The following RAPGEF6 variants were observed in gnomAD, a reference collection of about 807,000 sequenced individuals.
RAPGEF6 encodes PDZ domain containing guanine nucleotide exchange factor (GEF) 2.
In RAPGEF6, 56 loss-of-function variants were observed where a neutral mutation model predicts 171.4. The ratio of observed to expected loss-of-function variants is 0.33; its 90% CI spans 0.26 to 0.41. The LOEUF (loss-of-function observed/expected upper bound fraction) is 0.41. Ranked by LOEUF, RAPGEF6 falls within the 10% of genes least tolerant of loss-of-function variation. The probability of loss-of-function intolerance (pLI) is 1.00; values close to 1 mark genes in which losing one functional copy is unlikely to be tolerated. For synonymous variants in RAPGEF6, 692 were observed against 650.1 expected (o/e 1.06, Z -0.98); for missense variants, 1,674 against 1,921.4 (o/e 0.87, Z 2.41).
chr5:131,581,925 C>A (rs1762990970), intron 4 of RAPGEF6, among the ~76,000 whole-genome samples: 1 of 152,144 alleles, frequency 6.6e-6, no homozygotes, highest in Admixed American at 6.5e-5. Flanking sequence ...TTTGTAACAT[C>A]CTCCTCACCC....
chr5:131,532,518 T>A (rs1046806268), intron 6 of RAPGEF6, among the ~76,000 whole-genome samples: 1 of 152,188 alleles, frequency 6.6e-6, no homozygotes, highest in African/African-American at 2.4e-5. Flanking sequence ...TGTTCCTGGA[T>A]TCCGTGAAAC....
chr5:131,587,150 G>A (rs1326247375), intron 4 of RAPGEF6, among the ~76,000 whole-genome samples: 1 of 152,130 alleles, frequency 6.6e-6, no homozygotes, highest in African/African-American at 2.4e-5. Context: ...AAGTGTCTGT[G>A]AGCCTAGTAT....
At chr5:131,427,878 C>G (rs1217028590) in intron 27 of RAPGEF6, among the ~76,000 whole-genome samples, 2 of 152,088 alleles carry the variant, frequency 1.3e-5, no homozygotes, top group African/African-American at 4.8e-5. Flanking sequence ...GAGACTGAGG[C>G]TGGCAGATTG....
At position 131,457,670 on chromosome 5, in the gene RAPGEF6, G is replaced by A. The variant is rs114673532; in HGVS notation, c.2865-1658C>T. Among the ~76,000 whole-genome samples the A allele has an allele frequency of 8.5e-3, 1,301 of 152,216 alleles. 18 individuals carry two copies. The highest frequency in any genetic ancestry group is 0.03 in the African/African-American group (1,245 of 41,530). ...GATCAAAAATACAGTTTCCTTGGAT[G>A]TGAAACCTGCTAATGCTGACTTTAT... On this transcript the variant is annotated intron_variant, in intron 19 of 27. Coordinates refer to ENST00000509018, the MANE Select transcript of RAPGEF6 (RefSeq NM_016340.6).
rs185747108 is a variant in RAPGEF6 at position 131,571,555 on chromosome 5, T to G, written c.282-9508A>C. 1.4e-3 allele frequency among the ~76,000 whole-genome samples: 215 copies of G among 152,272 alleles called. 2 individuals are homozygous for G. The highest frequency in any genetic ancestry group is 5.4e-3 in the Admixed American group (82 of 15,304). ...TACACTGAAAACTGCAAAACATCAT[T>G]GAGAGAAATTAAAGACCTAAATAAA... On this transcript the variant is annotated intron_variant, in intron 4 of 27. Coordinates refer to ENST00000509018, the MANE Select transcript of RAPGEF6 (RefSeq NM_016340.6).
At chr5:131,578,173 T>C (rs750251706) in intron 4 of RAPGEF6, among the ~76,000 whole-genome samples, 2 of 152,166 alleles carry the variant, frequency 1.3e-5, no homozygotes, top group Non-Finnish European at 2.9e-5. Context: ...AATTCTTCTA[T>C]CCTGATGAAG....
In RAPGEF6 at chr5:131,504,677, C is replaced by T. The variant is rs757127374; in HGVS notation, c.1203G>A (p.Glu401=). The T allele has an allele frequency of 3.7e-6, 6 of 1,613,808 alleles. No homozygotes were observed. Among genetic ancestry groups the T allele is most frequent in the Non-Finnish European group, 5.1e-6 (6 of 1,179,966 alleles). ...TTCCACTCCGGTCTAGTTCCCGATG[C>T]TCATGTACCATAACAATTTCTCCCT... ...EEEGEIVMVH[E]HRELDRSGTR... is the part of the protein sequence containing the mutation. Residue 401 remains glutamate (E), a synonymous_variant, in exon 11 of 28, where the codon GAG becomes GAA. Coordinates refer to ENST00000509018, the MANE Select transcript of RAPGEF6 (RefSeq NM_016340.6).
chr5:131,425,803 T>C lies in RAPGEF6; in HGVS notation c.*1463A>G, dbSNP rs1189958033. The C allele has an allele frequency of 1.3e-5, 2 of 151,028 alleles. No homozygotes were observed. Among genetic ancestry groups the C allele is most frequent in the South Asian group, 2.1e-4 (1 of 4,794 alleles). The allele number at this position is 151,028 out of a possible 1,614,324, so 9.4% of individuals were successfully genotyped here. ...GAGGCCACAAACCAACTAAATCCTA[T>C]GTGGACACATACGGACAGCCATTCA... On this transcript the variant is annotated 3_prime_UTR_variant, in exon 28 of 28. Transcript: ENST00000509018.
At chr5:131,483,074 T>TGTG (rs1254284542) in intron 15 of RAPGEF6, among the ~76,000 whole-genome samples, 4 of 151,972 alleles carry the variant, frequency 2.6e-5, no homozygotes, top group African/African-American at 9.7e-5. Context: ...TTTGGCTGGG[T>TGTG]GTGGTGGCTC....
At chr5:131,436,025 T>G in intron 24 of RAPGEF6, 1 of 1,537,076 alleles carries the variant, frequency 6.5e-7, no homozygotes, top group Non-Finnish European at 8.7e-7. Context: ...CCTTGGCTAT[T>G]TGAATTGAAG....
intron 10 of RAPGEF6, among the ~76,000 whole-genome samples, chr5:131,505,153 C>A (rs764220148): frequency 5.9e-5 from 9 of 151,666 alleles, no homozygotes; most frequent in Non-Finnish European, 1.3e-4. Flanking sequence ...AACAAACCAG[C>A]ATTTATTTGG....
intron 1 of RAPGEF6, among the ~76,000 whole-genome samples, chr5:131,625,524 A>G (rs553345535): frequency 6.6e-6 from 1 of 151,994 alleles, no homozygotes; most frequent in South Asian, 2.1e-4. Flanking sequence ...AACAAAACAT[A>G]CTTCTTGGTG....
intron 6 of RAPGEF6, 45 bp from the exon 7 acceptor site, chr5:131,521,566 C>T: frequency 1.3e-6 from 2 of 1,555,916 alleles, no homozygotes; most frequent in Non-Finnish European, 1.7e-6. Flanking sequence ...TCAAGCTTTA[C>T]CTTTTTAAGC....
chr5:131,513,266 A>T (rs914189488), intron 7 of RAPGEF6, among the ~76,000 whole-genome samples: 2 of 152,224 alleles, frequency 1.3e-5, no homozygotes, highest in African/African-American at 4.8e-5. Context: ...AACGACTGGG[A>T]AAAAACCTAA....
chr5:131,552,148 A>G (rs1302595093), intron 5 of RAPGEF6, among the ~76,000 whole-genome samples: 5 of 152,006 alleles, frequency 3.3e-5, no homozygotes, highest in Admixed American at 6.6e-5. Flanking sequence ...AGACTCTACC[A>G]AAGTTGAGGA....
At chr5:131,500,891 A>G (rs1223130183) in intron 11 of RAPGEF6, among the ~76,000 whole-genome samples, 1 of 85,982 alleles carries the variant, frequency 1.2e-5, no homozygotes, top group Non-Finnish European at 2.5e-5. Flanking sequence ...GAATAAATGA[A>G]GAAATGAACT....
intron 5 of RAPGEF6, among the ~76,000 whole-genome samples, chr5:131,560,317 A>C (rs1761519615): frequency 6.6e-6 from 1 of 152,200 alleles, no homozygotes; most frequent in African/African-American, 2.4e-5. Context: ...ATTTGATATT[A>C]TCCAATCTGT....
intron 3 of RAPGEF6, among the ~76,000 whole-genome samples, chr5:131,595,328 C>T (rs146033680): frequency 7.1e-4 from 108 of 152,228 alleles, no homozygotes; most frequent in African/African-American, 2.4e-3. Context: ...TTCCCCTTCA[C>T]CTTCTGCTGT....
At chr5:131,584,974 C>T (rs111453364) in intron 4 of RAPGEF6, among the ~76,000 whole-genome samples, 8 of 152,144 alleles carry the variant, frequency 5.3e-5, no homozygotes, top group African/African-American at 1.9e-4. Context: ...AGTTTAACAA[C>T]AGGCACACAA....
Sources: gnomAD v4.1 joint callset for allele counts (sites outside exome capture counted in the v4.1 genomes callset) on GRCh38, gnomAD v4.1.1 for gene constraint, MANE v1.5 for transcripts, NCBI Gene and HGNC (gene_info 2026-07-23, HGNC 2026-07-21) for gene names.